Variants in MAP2K1 observed in about 807,000 individuals in gnomAD.
MAP2K1 encodes mitogen-activated protein kinase kinase 1.
MAP2K1 carries 16 observed loss-of-function variants against 46.3 expected under a neutral mutation model. The observed-to-expected ratio is 0.35, with a 90% CI of 0.23 to 0.52. The LOEUF is 0.52. Ranked by LOEUF, MAP2K1 falls within the 20% of genes least tolerant of loss-of-function variation. The pLI, the probability that MAP2K1 is intolerant of heterozygous loss-of-function variation, is 0.94. For synonymous variants in MAP2K1, 183 were observed against 185.6 expected (o/e 0.99, Z 0.11); for missense variants, 263 against 497.1 (o/e 0.53, Z 4.48).
At chr15:66,424,014 A>C (rs555986921) in intron 1 of MAP2K1, among the ~76,000 whole-genome samples, 206 of 151,720 alleles carry the variant, frequency 1.4e-3, no homozygotes, top group Admixed American at 6.1e-3. Flanking sequence ...TGGCCTCCCA[A>C]AGTGCTGAGA....
At position 66,481,778 on chromosome 15, in the gene MAP2K1, G is replaced by C. The variant is rs774278448; in HGVS notation, c.592G>C (p.Val198Leu). The change falls in exon 6 of 11, where the codon GTC becomes CTC. Residue 198 changes from valine (V) to leucine (L), a missense_variant. By Grantham distance (32) the Val-to-Leu change is conservative. Coordinates refer to ENST00000307102, the MANE Select transcript of MAP2K1 (RefSeq NM_002755.4). The stretch of plus-strand genomic sequence containing the variant: ...AGATGTCAAGCCCTCCAACATCCTA[G>C]TCAACTCCCGTGGGGAGATCAAGCT... ...HRDVKPSNIL[V>L]NSRGEIKLCD... The C allele has an allele frequency of 6.2e-7, 1 of 1,613,204 alleles. No individual in the cohort carries two copies. Among genetic ancestry groups the C allele is most frequent in the Non-Finnish European group, 8.5e-7 (1 of 1,179,932 alleles).
At chr15:66,416,538 C>A (rs2093425067) in intron 1 of MAP2K1, among the ~76,000 whole-genome samples, 1 of 152,192 alleles carries the variant, frequency 6.6e-6, no homozygotes, top group Admixed American at 6.5e-5. Flanking sequence ...CAGAGATTCA[C>A]TCAAGTTACC....
rs58831070 is a variant in MAP2K1, at chr15:66,392,255, GTTTT to G, written c.80+4849_80+4852del. On this transcript the variant is annotated intron_variant, in intron 1 of 10. Transcript: ENST00000307102. ...ACGAATATTTGTGTGTTTTTTTTGG[GTTTT>G]TTTTTTTTTTTTTTTTTTTTAAGAA... Among the ~76,000 whole-genome samples, 99 of 97,766 alleles carry G rather than the reference GTTTT, an allele frequency of 1.0e-3. 2 individuals are homozygous for G. Among genetic ancestry groups the G allele is most frequent in the African/African-American group, 3.4e-3 (75 of 22,058 alleles). 64.1% of individuals were successfully genotyped at this position (97,766 alleles called of 152,430 possible).
chr15:66,449,516 T>C (rs962866247), intron 5 of MAP2K1, among the ~76,000 whole-genome samples: 5 of 152,184 alleles, frequency 3.3e-5, no homozygotes, highest in African/African-American at 1.2e-4. Flanking sequence ...ATAGAAACAC[T>C]AAATCTTGTT....
chr15:66,478,460 A>ATATATATATATATACAGG (rs1892828565), intron 5 of MAP2K1, among the ~76,000 whole-genome samples: 3 of 130,174 alleles, frequency 2.3e-5, no homozygotes, highest in Non-Finnish European at 3.5e-5. Context: ...ATATACAGGT[A>ATATATATATATATACAGG]TATATATATA....
At chr15:66,410,930 G>C (rs1049578209) in intron 1 of MAP2K1, among the ~76,000 whole-genome samples, 3 of 152,106 alleles carry the variant, frequency 2.0e-5, no homozygotes, top group Non-Finnish European at 4.4e-5. Flanking sequence ...CCCATCTCCC[G>C]CCCAGGCCTG....
intron 3 of MAP2K1, among the ~76,000 whole-genome samples, chr15:66,441,122 G>A (rs1380767210): frequency 1.3e-5 from 2 of 152,042 alleles, no homozygotes; most frequent in Non-Finnish European, 2.9e-5. Flanking sequence ...GCATCACCAT[G>A]TCCAGCTAAT....
At chr15:66,406,230 C>A (rs564950033) in intron 1 of MAP2K1, among the ~76,000 whole-genome samples, 1 of 152,318 alleles carries the variant, frequency 6.6e-6, no homozygotes, top group African/African-American at 2.4e-5. Flanking sequence ...TTTTAAATTC[C>A]TGTCTGAATT....
intron 1 of MAP2K1, among the ~76,000 whole-genome samples, chr15:66,388,940 CTT>C: frequency 8.1e-6 from 1 of 123,136 alleles, no homozygotes; most frequent in Non-Finnish European, 1.6e-5. Flanking sequence ...GAGTTTCACT[CTT>C]GTTGCCCAGG....
Position 66,400,657 on chromosome 15 carries a change from A to G in MAP2K1, c.80+13230A>G, listed in dbSNP as rs143815241. Among the ~76,000 whole-genome samples the G allele has an allele frequency of 1.5e-3, 221 of 152,294 alleles. 2 individuals are homozygous for G. The highest frequency in any genetic ancestry group is 5.2e-3 in the African/African-American group (217 of 41,572). On this transcript the variant is annotated intron_variant, in intron 1 of 10. Coordinates refer to ENST00000307102, the MANE Select transcript of MAP2K1 (RefSeq NM_002755.4). Reference sequence around the variant, plus strand: ...TCCCAAGAGAGCTGTTTAGAGGCTCAGTTACATGTTTGCTAAGTTTTCGTC... The same window carrying G: ...TCCCAAGAGAGCTGTTTAGAGGCTCGGTTACATGTTTGCTAAGTTTTCGTC...
At chr15:66,478,854 CAAT>C (rs1892845813) in intron 5 of MAP2K1, among the ~76,000 whole-genome samples, 1 of 152,130 alleles carries the variant, frequency 6.6e-6, no homozygotes, top group African/African-American at 2.4e-5. Context: ...TGTCTCCTCA[CAAT>C]AAAATTTAAG....
At chr15:66,424,064 A>T (rs115308295) in intron 1 of MAP2K1, among the ~76,000 whole-genome samples, 47 of 147,762 alleles carry the variant, frequency 3.2e-4, no homozygotes, top group African/African-American at 1.0e-3. Flanking sequence ...TGTCTTGTGC[A>T]TTTTTTTTTT....
Position 66,388,052 on chromosome 15 carries a change from C to G in MAP2K1, c.80+625C>G, listed in dbSNP as rs73469978. Among the ~76,000 whole-genome samples the G allele has an allele frequency of 8.5e-3, 1,298 of 152,284 alleles. 28 individuals are homozygous for G. The highest frequency in any genetic ancestry group is 0.03 in the African/African-American group (1,236 of 41,554). On this transcript the variant is annotated intron_variant, in intron 1 of 10. Transcript: ENST00000307102. The stretch of plus-strand genomic sequence containing the variant: ...AAGCGGCTTTCTTCTTCATCCTACT[C>G]TTCATTCATTCATTGAACAAACCAT...
intron 1 of MAP2K1, among the ~76,000 whole-genome samples, chr15:66,387,941 G>A (rs969110427): frequency 1.1e-4 from 17 of 152,242 alleles, no homozygotes; most frequent in East Asian, 5.8e-4. Context: ...GCGGGGGCGT[G>A]CTGGAAGTCC....
At chr15:66,390,632 T>C (rs1039336383) in intron 1 of MAP2K1, among the ~76,000 whole-genome samples, 3 of 152,114 alleles carry the variant, frequency 2.0e-5, no homozygotes, top group African/African-American at 4.8e-5. Context: ...TGCAGAAACA[T>C]GTGAGCATAT....
intron 1 of MAP2K1, among the ~76,000 whole-genome samples, chr15:66,394,487 C>T (rs903961622): frequency 4.2e-5 from 5 of 120,316 alleles, no homozygotes; most frequent in African/African-American, 8.8e-5. Context: ...TTTTGAGAGA[C>T]AGGGTCTTGC....
intron 6 of MAP2K1, among the ~76,000 whole-genome samples, chr15:66,484,177 C>T (rs1217336921): frequency 3.5e-5 from 5 of 144,778 alleles, no homozygotes; most frequent in African/African-American, 1.0e-4. Context: ...ATGGAGTTTT[C>T]GCTCTTCTTG....
intron 3 of MAP2K1, among the ~76,000 whole-genome samples, chr15:66,437,637 C>G (rs896183074): frequency 6.6e-6 from 1 of 152,166 alleles, no homozygotes; most frequent in Non-Finnish European, 1.5e-5. Flanking sequence ...CCTGCCCTGA[C>G]CTTTAGAATA....
At chr15:66,391,362 C>T (rs1207903800) in intron 1 of MAP2K1, among the ~76,000 whole-genome samples, 2 of 152,234 alleles carry the variant, frequency 1.3e-5, no homozygotes, top group Non-Finnish European at 2.9e-5. Flanking sequence ...TACCTCGGCT[C>T]ACTGCAAGCT....
Sources: gnomAD v4.1 joint callset for allele counts (sites outside exome capture counted in the v4.1 genomes callset) on GRCh38, gnomAD v4.1.1 for gene constraint, MANE v1.5 for transcripts, NCBI Gene and HGNC (gene_info 2026-07-23, HGNC 2026-07-21) for gene names.